SLC38A12: variants seen among roughly 807,000 people sequenced by gnomAD.
SLC38A12 encodes the protein solute carrier family 38 member 12.
At chr17:74,816,057 G>A in the SLC38A12 span, among the ~76,000 whole-genome samples, 2 of 152,198 alleles carry the variant, frequency 1.3e-5, no homozygotes, top group Non-Finnish European at 2.9e-5. Flanking sequence ...CTGTCCAGAG[G>A]ACAGAAGGCT....
chr17:74,809,943 C>T, the SLC38A12 span, among the ~76,000 whole-genome samples: 2 of 152,170 alleles, frequency 1.3e-5, no homozygotes, highest in African/African-American at 4.8e-5. Context: ...GCTAGCTGGG[C>T]GAAGGGACGG....
At chr17:74,793,586 G>A in the SLC38A12 span, among the ~76,000 whole-genome samples, 2 of 152,194 alleles carry the variant, frequency 1.3e-5, no homozygotes, top group African/African-American at 2.4e-5. Flanking sequence ...TTATTGACCA[G>A]GGAGGGCCAA....
chr17:74,795,074 G>A, the SLC38A12 span: 15 of 1,614,110 alleles, frequency 9.3e-6, no homozygotes, highest in East Asian at 4.5e-5. Flanking sequence ...CGCCATCTAT[G>A]CTGCTGCCGT....
chr17:74,834,346 C>T, the SLC38A12 span, among the ~76,000 whole-genome samples: 6 of 152,130 alleles, frequency 3.9e-5, no homozygotes, highest in South Asian at 6.2e-4. Flanking sequence ...TCAGGAGTGG[C>T]GGGGACTGGA....
At chr17:74,787,886 C>T in the SLC38A12 span, among the ~76,000 whole-genome samples, 144 of 151,878 alleles carry the variant, frequency 9.5e-4, 1 homozygote, top group African/African-American at 3.1e-3. Context: ...TTCTGCCTCC[C>T]GGATTCAAGC....
At chr17:74,799,642 G>C in the SLC38A12 span, among the ~76,000 whole-genome samples, 9 of 152,194 alleles carry the variant, frequency 5.9e-5, no homozygotes, top group Admixed American at 5.9e-4. Flanking sequence ...GTCAGTCTCA[G>C]ATTCAGGCTC....
chr17:74,790,178 C>T, the SLC38A12 span: 149 of 1,591,234 alleles, frequency 9.4e-5, no homozygotes, highest in Middle Eastern at 6.6e-4. Context: ...CCCTCCTCCT[C>T]GTCCATCCTA....
the SLC38A12 span, among the ~76,000 whole-genome samples, chr17:74,820,096 G>A: frequency 6.6e-6 from 1 of 152,388 alleles, no homozygotes; most frequent in Middle Eastern, 3.4e-3. Context: ...TGTGGATGGA[G>A]CTGGGGCTAG....
the SLC38A12 span, chr17:74,785,629 C>T: frequency 6.2e-7 from 1 of 1,609,400 alleles, no homozygotes; most frequent in Admixed American, 1.7e-5. Flanking sequence ...GACTTCCCCA[C>T]AGGGGCCAGG....
chr17:74,811,986 C>T, the SLC38A12 span, among the ~76,000 whole-genome samples: 1 of 151,578 alleles, frequency 6.6e-6, no homozygotes, highest in East Asian at 1.9e-4. Context: ...TTCGGGGCTG[C>T]AGTGAGCTAT....
the SLC38A12 span, among the ~76,000 whole-genome samples, chr17:74,776,995 C>T: frequency 1.1e-4 from 16 of 152,242 alleles, no homozygotes; most frequent in African/African-American, 3.9e-4. Context: ...TTTTAGAGGC[C>T]CCTTAAATCA....
the SLC38A12 span, among the ~76,000 whole-genome samples, chr17:74,797,141 G>A: frequency 5.3e-5 from 8 of 152,240 alleles, no homozygotes; most frequent in East Asian, 1.9e-4. Flanking sequence ...GATACTGAGC[G>A]CTGGGAATAT....
the SLC38A12 span, among the ~76,000 whole-genome samples, chr17:74,816,186 C>T: frequency 3.3e-3 from 496 of 152,328 alleles, 3 homozygotes; most frequent in African/African-American, 0.011. Flanking sequence ...TAGGACTGGG[C>T]TCTGTCCTGT....
At chr17:74,801,195 A>G in the SLC38A12 span, among the ~76,000 whole-genome samples, 1 of 151,956 alleles carries the variant, frequency 6.6e-6, no homozygotes, top group African/African-American at 2.4e-5. Flanking sequence ...CTCCCAACGC[A>G]CCTCTTGTCA....
the SLC38A12 span, among the ~76,000 whole-genome samples, chr17:74,814,615 C>A: frequency 6.6e-6 from 1 of 152,196 alleles, no homozygotes; most frequent in African/African-American, 2.4e-5. Context: ...CTCTTGCCCA[C>A]ATGCTGCTGG....
chr17:74,799,349 C>G, the SLC38A12 span, among the ~76,000 whole-genome samples: 1 of 152,380 alleles, frequency 6.6e-6, no homozygotes, highest in East Asian at 1.9e-4. Context: ...GGCTGGAGAC[C>G]CGGCCGCAAA....
chr17:74,783,182 ACT>A, the SLC38A12 span, among the ~76,000 whole-genome samples: 1 of 152,074 alleles, frequency 6.6e-6, no homozygotes, highest in Non-Finnish European at 1.5e-5. Context: ...GATGGTGAAG[ACT>A]CTCAGACTCA....
At chr17:74,839,401 G>C in the SLC38A12 span, 1 of 379,550 alleles carries the variant, frequency 2.6e-6, no homozygotes. Context: ...CAGGCCTGGG[G>C]GAAGTGGAAG....
the SLC38A12 span, among the ~76,000 whole-genome samples, chr17:74,785,138 A>G: frequency 6.6e-6 from 1 of 152,180 alleles, no homozygotes; most frequent in Non-Finnish European, 1.5e-5. Context: ...TACCCCGCCT[A>G]TGATGCTCTG....
Sources: allele counts gnomAD v4.1 joint callset (sites outside exome capture counted in the v4.1 genomes callset), GRCh38; gene constraint gnomAD v4.1.1; transcripts MANE v1.5; gene names NCBI Gene and HGNC (gene_info 2026-07-23, HGNC 2026-07-21).